Variants in DMGDH observed in about 807,000 individuals in gnomAD.
DMGDH encodes the protein dimethylglycine dehydrogenase, mitochondrial.
DMGDH carries 76 observed loss-of-function variants against 95.2 expected under a neutral mutation model. That is an observed-to-expected ratio of 0.80 (90% CI 0.66 to 0.97). The LOEUF (loss-of-function observed/expected upper bound fraction) is 0.97. Among genes scored for constraint, DMGDH ranks in the 50% least tolerant of loss-of-function variants. DMGDH has a pLI of 0.00. For synonymous variants in DMGDH, 345 were observed against 377.6 expected (o/e 0.91, Z 1.00); for missense variants, 987 against 1,055.0 (o/e 0.94, Z 0.89).
In DMGDH at chr5:79,064,883, G is replaced by C. The variant is rs187724670; in HGVS notation, c.102-1096C>G. Among the ~76,000 whole-genome samples the C allele has an allele frequency of 3.1e-3, 473 of 152,154 alleles. 5 individuals carry two copies. Among genetic ancestry groups the C allele is most frequent in the Middle Eastern group, 0.024 (7 of 294 alleles). ...TCCTGCCTCAGCCTCCCATGTAGCT[G>C]GGATTACAGGTGTGCACCACCACAC... On this transcript the variant is annotated intron_variant, in intron 1 of 15. Transcript: ENST00000255189.
intron 1 of DMGDH, among the ~76,000 whole-genome samples, chr5:79,067,352 T>C (rs1755410039): frequency 6.6e-6 from 1 of 152,264 alleles, no homozygotes; most frequent in Non-Finnish European, 1.5e-5. Flanking sequence ...TATCTTGTAC[T>C]TTAGTTGAAA....
intron 1 of DMGDH, among the ~76,000 whole-genome samples, chr5:79,067,142 G>A (rs923932436): frequency 6.6e-6 from 1 of 152,148 alleles, no homozygotes; most frequent in South Asian, 2.1e-4. Context: ...TCTTTCAGTT[G>A]ACTCCTGTAT....
At chr5:79,034,073 G>C (rs1371523889) in intron 7 of DMGDH, among the ~76,000 whole-genome samples, 1 of 152,186 alleles carries the variant, frequency 6.6e-6, no homozygotes, top group East Asian at 1.9e-4. Context: ...CAAACAGACA[G>C]ATGTGGCTGG....
intron 3 of DMGDH, among the ~76,000 whole-genome samples, chr5:79,054,627 A>G (rs568066786): frequency 2.4e-4 from 37 of 152,346 alleles, no homozygotes; most frequent in African/African-American, 8.9e-4. Context: ...TATACCCCAC[A>G]GTTGAAGACA....
At chr5:79,037,053 A>C (rs1017110463) in intron 7 of DMGDH, among the ~76,000 whole-genome samples, 1 of 152,154 alleles carries the variant, frequency 6.6e-6, no homozygotes, top group African/African-American at 2.4e-5. Flanking sequence ...CCACATGAGC[A>C]CACAGCCAGA....
Position 79,026,459 on chromosome 5 carries a change from G to A in DMGDH, c.2155C>T (p.Arg719Cys), listed in dbSNP as rs113405129. The part of the protein sequence containing the change: ...NFGTYAMNAL[R>C]LEKAFRAWGL... ...CAGGCTCTGAAGGCTTTCTCCAGGCGTAAGGCATTCATGGCATAGGTTCCA... is the reference window on the plus strand; with the variant it reads ...CAGGCTCTGAAGGCTTTCTCCAGGCATAAGGCATTCATGGCATAGGTTCCA... The change falls in exon 13 of 16, where the codon CGC becomes TGC. Residue 719 changes from arginine to cysteine, a missense_variant. By Grantham distance (180) the Arg-to-Cys change is radical. Transcript: ENST00000255189. 285 of 1,614,108 alleles carry A rather than the reference G, an allele frequency of 1.8e-4. No homozygotes were observed. The highest frequency in any genetic ancestry group is 2.3e-4 in the Non-Finnish European group (266 of 1,180,006).
chr5:79,044,765 T>C (rs1442349597), intron 5 of DMGDH, among the ~76,000 whole-genome samples: 5 of 152,154 alleles, frequency 3.3e-5, no homozygotes, highest in South Asian at 4.1e-4. Context: ...TTTGAAGATA[T>C]CTGTGATCTA....
At chr5:79,018,597 G>A (rs541430993) in intron 14 of DMGDH, among the ~76,000 whole-genome samples, 2 of 152,006 alleles carry the variant, frequency 1.3e-5, no homozygotes, top group South Asian at 2.1e-4. Context: ...TCTTCACTGC[G>A]GTGATGGTTT....
At chr5:79,027,364 G>A (rs527790683) in intron 12 of DMGDH, among the ~76,000 whole-genome samples, 1 of 152,250 alleles carries the variant, frequency 6.6e-6, no homozygotes, top group African/African-American at 2.4e-5. Context: ...ACGTTGGGTG[G>A]AAGAAGGGCA....
In DMGDH at chr5:79,069,600, C is replaced by T; in HGVS notation, c.21G>A (p.Gln7=). The T allele has an allele frequency of 7.3e-7, 1 of 1,369,328 alleles. No individual in the cohort carries two copies. The highest frequency in any genetic ancestry group is 9.4e-7 in the Non-Finnish European group (1 of 1,059,814). 84.8% of individuals were successfully genotyped at this position (1,369,328 alleles called of 1,614,324 possible). A position where few individuals can be genotyped will look rare whatever the true frequency, so the allele number is the denominator to read the frequency against. MLRPGA[Q]LLRGLLLRSC... is the part of the protein sequence containing the mutation. ...TCCGCAGCAGGAGGCCCCGCAGCAG[C>T]TGCGCGCCGGGACGGAGCATGACTA... is the stretch of plus-strand genomic sequence containing the variant. Residue 7 remains glutamine (Q), a synonymous_variant, in exon 1 of 16, where the codon CAG becomes CAA. Transcript: ENST00000255189.
intron 1 of DMGDH, among the ~76,000 whole-genome samples, chr5:79,068,974 T>C (rs1002270042): frequency 6.6e-6 from 1 of 152,216 alleles, no homozygotes; most frequent in African/African-American, 2.4e-5. Flanking sequence ...AAGTTCACCT[T>C]TAAAAACTGT....
At chr5:79,011,094 C>T (rs1348251506) in intron 14 of DMGDH, among the ~76,000 whole-genome samples, 1 of 152,192 alleles carries the variant, frequency 6.6e-6, no homozygotes, top group East Asian at 1.9e-4. Flanking sequence ...ACCTGTGACA[C>T]TGTTTATGCC....
At position 79,014,465 on chromosome 5, in the gene DMGDH, G is replaced by C. The variant is rs1041119934; in HGVS notation, c.2251-9058C>G. Among the ~76,000 whole-genome samples, 6 of 152,194 alleles carry C rather than the reference G, an allele frequency of 3.9e-5. No homozygotes were observed. The South Asian group carries it at 6.2e-4, about 16-fold the overall frequency. ...CTCTAGAGTAGAGTGAAGAACAATTGCCCATTTGATATTTTAAGCATAGCA... is the reference window on the plus strand; with the variant it reads ...CTCTAGAGTAGAGTGAAGAACAATTCCCCATTTGATATTTTAAGCATAGCA... On this transcript the variant is annotated intron_variant, in intron 14 of 15. Transcript: ENST00000255189.
At chr5:79,044,020 G>A (rs1754595901) in intron 6 of DMGDH, among the ~76,000 whole-genome samples, 1 of 152,182 alleles carries the variant, frequency 6.6e-6, no homozygotes, top group African/African-American at 2.4e-5. Flanking sequence ...GGAGGCAGGA[G>A]GTTGTGTGGG....
At chr5:79,055,715 A>G in intron 3 of DMGDH, 95 bp downstream of exon 3, 1 of 817,472 alleles carries the variant, frequency 1.2e-6, no homozygotes, top group Non-Finnish European at 2.1e-6. Context: ...AGCACTCCAC[A>G]CGGTCATACA....
intron 5 of DMGDH, among the ~76,000 whole-genome samples, chr5:79,046,580 T>C (rs1754681014): frequency 6.6e-6 from 1 of 152,124 alleles, no homozygotes; most frequent in Non-Finnish European, 1.5e-5. Context: ...GTAGACAGGG[T>C]TTTGCCATGT....
chr5:79,032,839 A>G lies in DMGDH; in HGVS notation c.1365T>C (p.Val455=). The G allele has an allele frequency of 6.2e-7, 1 of 1,614,182 alleles. No homozygotes were observed. Among genetic ancestry groups the G allele is most frequent in the Non-Finnish European group, 8.5e-7 (1 of 1,180,036 alleles). ...CAAACCGTTCTTCTTTAGGATAACCAACTGAAAAGGAAAAATTGGTACTTT... is the reference window on the plus strand; with the variant it reads ...CAAACCGTTCTTCTTTAGGATAACCGACTGAAAAGGAAAAATTGGTACTTT... ...ARESYGFNNI[V]GYPKEERFAG... is the part of the protein sequence containing the mutation. Residue 455 remains valine, a splice_region_variant and synonymous_variant, in exon 9 of 16, where the codon GTT becomes GTC. Transcript: ENST00000255189.
chr5:79,054,065 T>C, intron 4 of DMGDH, 119 bp downstream of exon 4: 4 of 1,133,402 alleles, frequency 3.5e-6, no homozygotes, highest in Middle Eastern at 3.0e-4. Flanking sequence ...ATTAATCATA[T>C]GATTTTGTCA....
chr5:79,005,116 T>G (rs559012690), intron 15 of DMGDH, among the ~76,000 whole-genome samples, 157 bp downstream of exon 15: 1 of 152,354 alleles, frequency 6.6e-6, no homozygotes, highest in East Asian at 1.9e-4. Flanking sequence ...TTCAGTCAAT[T>G]GCGTTCTGTC....
Sources: allele counts gnomAD v4.1 joint callset (sites outside exome capture counted in the v4.1 genomes callset), GRCh38; gene constraint gnomAD v4.1.1; transcripts MANE v1.5; gene names NCBI Gene and HGNC (gene_info 2026-07-23, HGNC 2026-07-21).